MMP26: variants seen among roughly 807,000 people sequenced by gnomAD.
MMP26 encodes matrix metalloproteinase-26.
Under a neutral mutation model 31.0 loss-of-function variants are expected in MMP26, and 33 were observed. That is an observed-to-expected ratio of 1.06 (90% CI 0.81 to 1.42). The LOEUF is 1.42. Ranked by LOEUF, MMP26 falls within the 40% of genes most tolerant of loss-of-function variation. The pLI, the probability that MMP26 is intolerant of heterozygous loss-of-function variation, is 0.00. For missense variants in MMP26, 347 were observed against 316.1 expected, an observed-to-expected ratio of 1.10 and a Z score of -0.74; for synonymous variants, 122 against 114.9, an observed-to-expected ratio of 1.06 and a Z score of -0.40.
At chr11:4,887,193 T>C (rs1281445053) in intron 2 of MMP26, among the ~76,000 whole-genome samples, 1 of 152,108 alleles carries the variant, frequency 6.6e-6, no homozygotes, top group African/African-American at 2.4e-5. Flanking sequence ...AGCTGTTTAA[T>C]AAATCTCACT....
intron 2 of MMP26, among the ~76,000 whole-genome samples, chr11:4,984,704 T>C (rs1026748332): frequency 6.6e-6 from 1 of 152,200 alleles, no homozygotes; most frequent in Non-Finnish European, 1.5e-5. Flanking sequence ...GTTAGTAAAT[T>C]TGTCAATTGA....
intron 2 of MMP26, among the ~76,000 whole-genome samples, chr11:4,869,179 A>G (rs1002828217): frequency 5.3e-5 from 8 of 152,206 alleles, no homozygotes; most frequent in Non-Finnish European, 1.0e-4. Context: ...TGTCTAAAAC[A>G]CCAAAAGCAA....
chr11:4,862,869 GA>G (rs1564796275), intron 2 of MMP26, among the ~76,000 whole-genome samples: 2 of 152,148 alleles, frequency 1.3e-5, no homozygotes, highest in East Asian at 3.9e-4. Flanking sequence ...CTCCCTCCCA[GA>G]AATGACAATG....
intron 2 of MMP26, chr11:4,769,625 CTA>C (rs756234834): frequency 3.3e-5 from 53 of 1,604,848 alleles, no homozygotes; most frequent in Non-Finnish European, 4.4e-5. Flanking sequence ...GACAATGCAG[CTA>C]TATAGACTGA....
chr11:4,740,747 T>C (rs904104708), intron 1 of MMP26, among the ~76,000 whole-genome samples: 6 of 151,888 alleles, frequency 4.0e-5, no homozygotes, highest in African/African-American at 1.2e-4. Context: ...ACCTGGAACA[T>C]TGAATTTAAA....
intron 2 of MMP26, among the ~76,000 whole-genome samples, chr11:4,963,053 A>G (rs1846542924): frequency 6.6e-6 from 1 of 152,162 alleles, no homozygotes; most frequent in African/African-American, 2.4e-5. Context: ...GGGGATTCCA[A>G]CTCAGCAGAA....
intron 2 of MMP26, among the ~76,000 whole-genome samples, chr11:4,936,381 T>C (rs1846112520): frequency 6.6e-6 from 1 of 152,122 alleles, no homozygotes; most frequent in African/African-American, 2.4e-5. Flanking sequence ...GTTTGTAGTA[T>C]TCTCTGATGG....
At chr11:4,887,630 T>C (rs1247998359) in intron 2 of MMP26, among the ~76,000 whole-genome samples, 1 of 152,140 alleles carries the variant, frequency 6.6e-6, no homozygotes, top group Non-Finnish European at 1.5e-5. Flanking sequence ...AGATGTTTGA[T>C]GTGCTTGTAA....
chr11:4,914,381 T>A (rs892574974), intron 2 of MMP26: 1 of 208,856 alleles, frequency 4.8e-6, no homozygotes, highest in East Asian at 1.1e-4. Context: ...TCCACAATAC[T>A]CAATTCATGA....
rs1850070341 is a variant in MMP26, at chr11:4,857,376, A to AG, written c.-145+90035_-145+90036insG. ...AGAGAAGAATCAAATAGACACAATA[A>AG]AAATGATAAAGGGGATATCACCACC... On this transcript the variant is annotated intron_variant, in intron 2 of 7. Transcript: ENST00000380390. Among the ~76,000 whole-genome samples, 12 of 152,236 alleles carry AG rather than the reference A, an allele frequency of 7.9e-5. No homozygotes were observed. The South Asian group carries it at 2.5e-3, about 32-fold the overall frequency.
chr11:4,773,559 T>A lies in MMP26; in HGVS notation c.-145+6218T>A, dbSNP rs900619509. 4.0e-4 allele frequency among the ~76,000 whole-genome samples: 60 copies of A among 151,554 alleles called. 1 individual carries two copies. Among genetic ancestry groups the A allele is most frequent in the African/African-American group, 1.4e-3 (58 of 41,278 alleles). ...CTCAGCAAAGCTGTATTCAGACTCC[T>A]GACTTACAGGAATTCAGAGGTGTAG... On this transcript the variant is annotated intron_variant, in intron 2 of 7. Transcript: ENST00000380390.
chr11:4,841,889 C>T (rs1418211518), intron 2 of MMP26, among the ~76,000 whole-genome samples: 1 of 152,160 alleles, frequency 6.6e-6, no homozygotes, highest in Non-Finnish European at 1.5e-5. Flanking sequence ...GCCAAGATCA[C>T]GCCACTGCAC....
chr11:4,753,793 T>C (rs1250233885), intron 1 of MMP26, among the ~76,000 whole-genome samples: 3 of 152,120 alleles, frequency 2.0e-5, no homozygotes, highest in Non-Finnish European at 4.4e-5. Flanking sequence ...TATATATGTT[T>C]AATAGGGGAG....
chr11:4,804,332 G>C, intron 2 of MMP26: 1 of 1,614,148 alleles, frequency 6.2e-7, no homozygotes, highest in Non-Finnish European at 8.5e-7. Flanking sequence ...ATTCCAAGCA[G>C]GATGAAGGAC....
In MMP26 at chr11:4,848,369, A is replaced by G. The variant is rs778501355; in HGVS notation, c.-145+81028A>G. The G allele has an allele frequency of 1.3e-5, 21 of 1,614,014 alleles. No individual in the cohort carries two copies. In the African/African-American group the frequency reaches 2.5e-4, roughly 19 times the overall value. On this transcript the variant is annotated intron_variant, in intron 2 of 7. Transcript: ENST00000380390. Reference sequence around the variant, plus strand: ...GGAAATGGACATAGGATAGAAGAGTATGGGTATGCTGAGTGATTGGCAGCT... The same window carrying G: ...GGAAATGGACATAGGATAGAAGAGTGTGGGTATGCTGAGTGATTGGCAGCT...
intron 2 of MMP26, among the ~76,000 whole-genome samples, chr11:4,814,945 G>A (rs1183880115): frequency 6.6e-6 from 1 of 152,182 alleles, no homozygotes; most frequent in Non-Finnish European, 1.5e-5. Context: ...GACGACTTGT[G>A]CCCAACAGAG....
At chr11:4,714,232 G>T (rs1406389635) in intron 1 of MMP26, among the ~76,000 whole-genome samples, 1 of 152,172 alleles carries the variant, frequency 6.6e-6, no homozygotes, top group African/African-American at 2.4e-5. Context: ...GCTCTTGTGG[G>T]TGCCTAAGGA....
chr11:4,759,150 C>CA (rs1397308309), intron 1 of MMP26, among the ~76,000 whole-genome samples: 1 of 140,006 alleles, frequency 7.1e-6, no homozygotes, highest in African/African-American at 2.6e-5. Flanking sequence ...AAAAATTTGG[C>CA]AAAAATAATT....
At chr11:4,860,148 A>T in intron 2 of MMP26, 2 of 471,126 alleles carry the variant, frequency 4.2e-6, no homozygotes, top group Middle Eastern at 6.5e-4. Flanking sequence ...TAACATCGTG[A>T]GTGAGGATGG....
Sources: gnomAD v4.1 joint callset for allele counts (sites outside exome capture counted in the v4.1 genomes callset) on GRCh38, gnomAD v4.1.1 for gene constraint, MANE v1.5 for transcripts, NCBI Gene and HGNC (gene_info 2026-07-23, HGNC 2026-07-21) for gene names.